CUEDC1: variants seen among roughly 807,000 people sequenced by gnomAD.
CUEDC1 encodes CUE domain-containing protein 1.
CUEDC1 carries 30 observed loss-of-function variants against 43.7 expected under a neutral mutation model. That is an observed-to-expected ratio of 0.69 (90% confidence interval 0.51 to 0.93). CUEDC1 has a LOEUF of 0.93. Among genes scored for constraint, CUEDC1 ranks in the 40% least tolerant of loss-of-function variants. CUEDC1 has a pLI of 0.00. For synonymous variants in CUEDC1, 223 were observed against 223.6 expected (o/e 1.00, Z 0.02); for missense variants, 486 against 549.0 (o/e 0.89, Z 1.15).
chr17:57,891,746 G>A, intron 1 of CUEDC1, among the ~76,000 whole-genome samples: 1 of 152,160 alleles, frequency 6.6e-6, no homozygotes, highest in East Asian at 1.9e-4. Context: ...GCTACGTTCT[G>A]CTCCCACATA....
At chr17:57,874,729 G>T (rs572023548) in intron 3 of CUEDC1, among the ~76,000 whole-genome samples, 1 of 152,286 alleles carries the variant, frequency 6.6e-6, no homozygotes, top group East Asian at 1.9e-4. Context: ...TCTAGCTCTC[G>T]GGCCTGGCTT....
chr17:57,949,256 G>A (rs76352171), intron 1 of CUEDC1, among the ~76,000 whole-genome samples: 6,180 of 152,254 alleles, frequency 0.041, 141 homozygotes, highest in African/African-American at 0.061. Flanking sequence ...TCTTATCGCA[G>A]CACTTGCCAC....
intron 7 of CUEDC1, 64 bp downstream of exon 7, chr17:57,869,058 T>A: frequency 6.4e-7 from 1 of 1,554,098 alleles, no homozygotes; most frequent in African/African-American, 1.4e-5. Flanking sequence ...CCCTCACTCC[T>A]GGGAGGCCAC....
rs2075045730 is a variant in CUEDC1, at chr17:57,955,193, G to C, written c.-316+32C>G. The C allele has an allele frequency of 6.9e-6, 1 of 145,180 alleles. No homozygotes were observed. The highest frequency in any genetic ancestry group is 2.5e-5 in the African/African-American group (1 of 40,572). 9.0% of individuals were successfully genotyped at this position (145,180 alleles called of 1,614,324 possible). A position where few individuals can be genotyped will look rare whatever the true frequency, so the allele number is the denominator to read the frequency against. On this transcript the variant is annotated intron_variant, in intron 1 of 10. Transcript: ENST00000577830. This position sits in a 1 kb window ranked among gnomAD's most constrained non-coding sequence, Gnocchi z 5.3. Reference sequence around the variant, plus strand: ...GCCGGCGAGGACCGCGCCCGGGGCCGGGCGGGAGCCGCGGGAGCGCGGGGG... The same window carrying C: ...GCCGGCGAGGACCGCGCCCGGGGCCCGGCGGGAGCCGCGGGAGCGCGGGGG...
In CUEDC1 at chr17:57,879,604, T is replaced by G; in HGVS notation, c.464+7A>C. The G allele has an allele frequency of 6.3e-7, 1 of 1,586,596 alleles. No homozygotes were observed. Among genetic ancestry groups the G allele is most frequent in the Non-Finnish European group, 8.5e-7 (1 of 1,171,170 alleles). On this transcript the variant is annotated splice_region_variant and intron_variant, in intron 3 of 10. Transcript: ENST00000577830. ...ACCCTGTGCTCTGAGACATGACAGA[T>G]TCTCACCGGGGAGGCGGAGTCGGGG...
At chr17:57,873,208 A>AC (rs1238983924) in intron 4 of CUEDC1, among the ~76,000 whole-genome samples, 1 of 152,110 alleles carries the variant, frequency 6.6e-6, no homozygotes, top group African/African-American at 2.4e-5. Context: ...CTCAGGGTGG[A>AC]CCTGCCCCGC....
At chr17:57,929,863 G>A (rs979679460) in intron 1 of CUEDC1, among the ~76,000 whole-genome samples, 9 of 152,044 alleles carry the variant, frequency 5.9e-5, no homozygotes, top group Admixed American at 1.3e-4. Context: ...GTGCAGTGGC[G>A]CGATCTTGGC....
chr17:57,879,554 C>T, intron 3 of CUEDC1, 57 bp downstream of exon 3: 2 of 1,522,390 alleles, frequency 1.3e-6, no homozygotes, highest in Non-Finnish European at 1.8e-6. Flanking sequence ...GTACACAGCC[C>T]CAGCCACTGA....
intron 2 of CUEDC1, 30 bp from the exon 3 acceptor site, chr17:57,879,768 T>C (rs373965472): frequency 8.2e-6 from 13 of 1,584,448 alleles, no homozygotes; most frequent in Non-Finnish European, 1.1e-5. Flanking sequence ...GAAAGAAATA[T>C]TAATCATCCC....
chr17:57,879,535 G>C (rs188905120), intron 3 of CUEDC1, 76 bp downstream of exon 3: 3 of 1,475,140 alleles, frequency 2.0e-6, no homozygotes, highest in Admixed American at 5.5e-5. Flanking sequence ...GCCAAGTTTC[G>C]TGTTGTTTGT....
intron 1 of CUEDC1, among the ~76,000 whole-genome samples, chr17:57,893,871 G>A (rs1354013986): frequency 6.6e-6 from 1 of 152,112 alleles, no homozygotes; most frequent in Non-Finnish European, 1.5e-5. Flanking sequence ...CAAGGCAGGT[G>A]GATCACGAGA....
Position 57,869,200 on chromosome 17 carries a change from G to A in CUEDC1, c.869-7C>T. The A allele has an allele frequency of 6.2e-7, 1 of 1,613,402 alleles. No homozygotes were observed. The highest frequency in any genetic ancestry group is 8.5e-7 in the Non-Finnish European group (1 of 1,179,694). On this transcript the variant is annotated splice_polypyrimidine_tract_variant and splice_region_variant and intron_variant, in intron 6 of 10. Coordinates refer to ENST00000577830, the MANE Select transcript of CUEDC1 (RefSeq NM_001271875.2). ...GGGTTGGCGTCGCCAGTTCCTGGAAGGAGACACCTGCTGAAGGCCGGCCAC... is the reference window on the plus strand; with the variant it reads ...GGGTTGGCGTCGCCAGTTCCTGGAAAGAGACACCTGCTGAAGGCCGGCCAC...
Position 57,873,594 on chromosome 17 carries a change from T to C in CUEDC1, c.588A>G (p.Ile196Met). The C allele has an allele frequency of 6.3e-7, 1 of 1,582,568 alleles. No individual in the cohort carries two copies. The highest frequency in any genetic ancestry group is 8.6e-7 in the Non-Finnish European group (1 of 1,163,482). ...AGGCGGGGGCGGCCCCTGTTACCTGTATGCTGTCCAGCTGCTGGGGCAGGA... is the reference window on the plus strand; with the variant it reads ...AGGCGGGGGCGGCCCCTGTTACCTGCATGCTGTCCAGCTGCTGGGGCAGGA... ...LRILPQQLDS[I>M]QGNAGGPKPG... The change falls in exon 4 of 11, where the codon ATA (isoleucine) becomes ATG (methionine). Residue 196 changes from isoleucine (I) to methionine (M), a missense_variant. Ile to Met is a conservative substitution (Grantham distance 10, BLOSUM62 1). Transcript: ENST00000577830.
At chr17:57,939,597 T>G (rs1341224135) in intron 1 of CUEDC1, among the ~76,000 whole-genome samples, 1 of 152,128 alleles carries the variant, frequency 6.6e-6, no homozygotes, top group Admixed American at 6.5e-5. Context: ...CTTCTGGACG[T>G]GTCTGGCCAG....
chr17:57,934,560 A>C (rs111412953), intron 1 of CUEDC1, among the ~76,000 whole-genome samples: 1,421 of 39,230 alleles, frequency 0.036, 13 homozygotes, highest in Middle Eastern at 0.05. Context: ...CTGTCTCTCT[A>C]AAAAAAAAAA....
intron 3 of CUEDC1, among the ~76,000 whole-genome samples, chr17:57,876,156 C>T (rs1036226211): frequency 4.6e-5 from 7 of 152,136 alleles, no homozygotes; most frequent in African/African-American, 7.2e-5. Flanking sequence ...CGAACCTGAT[C>T]GTGTCGCTCT....
rs1374308173 is a variant in CUEDC1, at chr17:57,873,693, G to A, written c.489C>T (p.Ala163=). 1.3e-6 allele frequency: 2 copies of A among 1,596,228 alleles called. No homozygotes were observed. The highest frequency in any genetic ancestry group is 2.3e-5 in the East Asian group (1 of 43,370). The part of the protein sequence containing the change: ...PPRIDALGSG[A]PTSQRRYRNW... Reference sequence around the variant, plus strand: ...TCCGATAGCGTCTCTGGCTTGTAGGGGCTCCAGAGCCCAGCGCGTCGATAC... The same window carrying A: ...TCCGATAGCGTCTCTGGCTTGTAGGAGCTCCAGAGCCCAGCGCGTCGATAC... Residue 163 remains alanine, a synonymous_variant, in exon 4 of 11, where the codon GCC becomes GCT. Transcript: ENST00000577830.
At chr17:57,870,068 CAAG>C (rs1361238583) in intron 6 of CUEDC1, 5 of 152,580 alleles carry the variant, frequency 3.3e-5, no homozygotes, top group Non-Finnish European at 7.3e-5. Context: ...TTTCTCCCTT[CAAG>C]CTGGGATCAG....
intron 3 of CUEDC1, among the ~76,000 whole-genome samples, chr17:57,874,699 G>A (rs973078784): frequency 2.0e-5 from 3 of 152,188 alleles, no homozygotes; most frequent in Non-Finnish European, 2.9e-5. Context: ...GGCAGCCGAG[G>A]GCCGGGCGGT....
Sources: gnomAD v4.1 joint callset for allele counts (sites outside exome capture counted in the v4.1 genomes callset) on GRCh38, gnomAD v4.1.1 for gene constraint, Gnocchi (gnomAD v3.1) non-coding constraint, MANE v1.5 for transcripts, NCBI Gene and HGNC (gene_info 2026-07-23, HGNC 2026-07-21) for gene names.